Variants in SPAG16 observed in about 807,000 individuals in gnomAD.
SPAG16 encodes the protein sperm associated antigen 16.
In SPAG16, 86 loss-of-function variants were observed where a neutral mutation model predicts 80.4. The ratio of observed to expected loss-of-function variants is 1.07; its 90% CI spans 0.90 to 1.28. The LOEUF (loss-of-function observed/expected upper bound fraction) is 1.28. Among genes scored for constraint, SPAG16 ranks in the 50% most tolerant of loss-of-function variants. The probability of loss-of-function intolerance (pLI) is 0.00; values close to 1 mark genes in which losing one functional copy is unlikely to be tolerated. For synonymous variants in SPAG16, 294 were observed against 265.9 expected, an observed-to-expected ratio of 1.11 and a Z score of -1.03; for missense variants, 870 against 765.3, an observed-to-expected ratio of 1.14 and a Z score of -1.61.
chr2:213,719,782 T>A (rs1432350743), intron 10 of SPAG16, among the ~76,000 whole-genome samples: 1 of 152,190 alleles, frequency 6.6e-6, no homozygotes, highest in African/African-American at 2.4e-5. Flanking sequence ...AGTGTGGCAA[T>A]TCCTCAAGGA....
intron 15 of SPAG16, among the ~76,000 whole-genome samples, chr2:214,204,561 A>C (rs1576489491): frequency 6.6e-6 from 1 of 152,316 alleles, no homozygotes; most frequent in East Asian, 1.9e-4. Flanking sequence ...CTGGATGGCT[A>C]GATCCAGAAG....
intron 14 of SPAG16, among the ~76,000 whole-genome samples, chr2:214,110,297 C>A (rs2053600094): frequency 1.3e-5 from 2 of 151,636 alleles, no homozygotes; most frequent in African/African-American, 2.4e-5. Context: ...CCAGCCCCCA[C>A]CCCTGACAGG....
At chr2:214,336,895 T>A (rs1220457986) in intron 15 of SPAG16, among the ~76,000 whole-genome samples, 1 of 45,556 alleles carries the variant, frequency 2.2e-5, no homozygotes, top group Non-Finnish European at 1.1e-4. Context: ...AGATATTAAT[T>A]TTCTAACAGT....
intron 13 of SPAG16, among the ~76,000 whole-genome samples, chr2:214,054,225 G>A (rs896370064): frequency 2.0e-5 from 3 of 152,078 alleles, no homozygotes; most frequent in African/African-American, 7.2e-5. Context: ...GGCCAGGCTG[G>A]TCTCGAACTC....
chr2:213,312,298 T>C (rs1181231534), intron 4 of SPAG16, among the ~76,000 whole-genome samples: 1 of 151,718 alleles, frequency 6.6e-6, no homozygotes, highest in Non-Finnish European at 1.5e-5. Context: ...TCAATTCTAT[T>C]TATATGCCTA....
chr2:213,807,320 A>AGGAC (rs1415096191), intron 10 of SPAG16, among the ~76,000 whole-genome samples: 1 of 151,928 alleles, frequency 6.6e-6, no homozygotes, highest in Non-Finnish European at 1.5e-5. Context: ...CAGAAATCAT[A>AGGAC]GGACCACTTG....
At chr2:214,107,734 T>G (rs1409157310) in intron 13 of SPAG16, among the ~76,000 whole-genome samples, 1 of 152,178 alleles carries the variant, frequency 6.6e-6, no homozygotes. Flanking sequence ...GGTAATAATG[T>G]TAATGCTGAA....
chr2:214,294,041 C>T (rs1315780113), intron 15 of SPAG16, among the ~76,000 whole-genome samples: 4 of 152,230 alleles, frequency 2.6e-5, no homozygotes, highest in Non-Finnish European at 1.5e-5. Flanking sequence ...AGCAGTAGCA[C>T]CATCAGCTCC....
At chr2:214,106,845 G>T (rs572097285) in intron 13 of SPAG16, among the ~76,000 whole-genome samples, 1 of 152,150 alleles carries the variant, frequency 6.6e-6, no homozygotes, top group Non-Finnish European at 1.5e-5. Context: ...CCAGAAATGT[G>T]TGAGGCAAAC....
chr2:213,402,324 C>T (rs2068357007), intron 9 of SPAG16, among the ~76,000 whole-genome samples: 1 of 151,998 alleles, frequency 6.6e-6, no homozygotes, highest in South Asian at 2.1e-4. Context: ...ATATGTTATA[C>T]TATCTAATTC....
At chr2:213,541,692 G>A (rs1233237660) in intron 10 of SPAG16, among the ~76,000 whole-genome samples, 3 of 152,138 alleles carry the variant, frequency 2.0e-5, no homozygotes, top group African/African-American at 7.2e-5. Context: ...CTTCCAAGAT[G>A]TATAATAAAC....
At chr2:213,800,616 T>C (rs1051343849) in intron 10 of SPAG16, among the ~76,000 whole-genome samples, 1 of 152,198 alleles carries the variant, frequency 6.6e-6, no homozygotes, top group African/African-American at 2.4e-5. Context: ...TGTTTTATTG[T>C]GTTGACTTTA....
At chr2:213,930,795 G>T (rs1448980303) in intron 12 of SPAG16, among the ~76,000 whole-genome samples, 1 of 152,138 alleles carries the variant, frequency 6.6e-6, no homozygotes, top group Non-Finnish European at 1.5e-5. Context: ...TTGCAGATAT[G>T]ATACAAAGAG....
intron 10 of SPAG16, among the ~76,000 whole-genome samples, chr2:213,821,911 A>AT (rs1315391098): frequency 6.6e-6 from 1 of 152,154 alleles, no homozygotes; most frequent in East Asian, 1.9e-4. Flanking sequence ...ATAGTACTCC[A>AT]TTTTTTATAT....
At chr2:214,394,430 T>C (rs1181861759) in intron 15 of SPAG16, among the ~76,000 whole-genome samples, 1 of 151,802 alleles carries the variant, frequency 6.6e-6, no homozygotes, top group Admixed American at 6.5e-5. Flanking sequence ...ATTCTGATTA[T>C]GTAATTGAGT....
At chr2:214,057,500 G>T (rs1209990739) in intron 13 of SPAG16, among the ~76,000 whole-genome samples, 2 of 152,048 alleles carry the variant, frequency 1.3e-5, no homozygotes, top group Non-Finnish European at 2.9e-5. Flanking sequence ...CATCATCTAG[G>T]CTTTATTGTT....
chr2:213,897,707 G>C (rs2077051823), intron 11 of SPAG16, among the ~76,000 whole-genome samples: 1 of 152,142 alleles, frequency 6.6e-6, no homozygotes, highest in South Asian at 2.1e-4. Context: ...TATACCTTCA[G>C]ATGATGTGCA....
In SPAG16 at chr2:214,290,850, T is replaced by G. The variant is rs566880531; in HGVS notation, c.1721-119290T>G. Among the ~76,000 whole-genome samples the G allele has an allele frequency of 1.6e-3, 251 of 152,354 alleles. 1 individual carries two copies. The highest frequency in any genetic ancestry group is 5.7e-3 in the African/African-American group (239 of 41,596). ...ATTTGCTGATGAGAAGAATGTATAT[T>G]TTGTAATTTTGGATAAAATGTCCTG... On this transcript the variant is annotated intron_variant, in intron 15 of 15. Coordinates refer to ENST00000331683, the MANE Select transcript of SPAG16 (RefSeq NM_024532.5).
At chr2:214,286,482 C>T (rs1027191785) in intron 15 of SPAG16, among the ~76,000 whole-genome samples, 2 of 152,278 alleles carry the variant, frequency 1.3e-5, no homozygotes, top group South Asian at 2.1e-4. Flanking sequence ...CGTGGTGGCT[C>T]ACACCTATAA....
Sources: allele counts gnomAD v4.1 joint callset (sites outside exome capture counted in the v4.1 genomes callset), GRCh38; gene constraint gnomAD v4.1.1; transcripts MANE v1.5; gene names NCBI Gene and HGNC (gene_info 2026-07-23, HGNC 2026-07-21).